Variants in SBF2 observed in about 807,000 individuals in gnomAD.
The protein encoded by SBF2 is SET binding factor 2, also known as myotubularin-related protein 13.
Under a neutral mutation model 225.2 loss-of-function variants are expected in SBF2, and 112 were observed. The observed-to-expected ratio is 0.50, with a 90% confidence interval of 0.43 to 0.58. The LOEUF (loss-of-function observed/expected upper bound fraction) is 0.58, where lower values mean the gene tolerates loss of function less well. Among genes scored for constraint, SBF2 ranks in the 20% least tolerant of loss-of-function variants. The probability of loss-of-function intolerance (pLI) is 0.00; values close to 1 mark genes in which losing one functional copy is unlikely to be tolerated. For missense variants in SBF2, 1,996 were observed against 2,206.2 expected, an observed-to-expected ratio of 0.90 and a Z score of 1.91; for synonymous variants, 763 against 773.3, an observed-to-expected ratio of 0.99 and a Z score of 0.22.
chr11:9,803,571 T>G (rs1250546461), intron 32 of SBF2, among the ~76,000 whole-genome samples: 1 of 152,198 alleles, frequency 6.6e-6, no homozygotes. Flanking sequence ...TTGAGGACAG[T>G]GTATCTTACA....
chr11:9,942,951 G>A (rs1034835474), intron 16 of SBF2, among the ~76,000 whole-genome samples: 6 of 148,294 alleles, frequency 4.0e-5, no homozygotes, highest in Non-Finnish European at 7.4e-5. Flanking sequence ...AGGAAGGAAC[G>A]AAGGAAGGAA....
chr11:9,940,706 A>T (rs536824961), intron 16 of SBF2, among the ~76,000 whole-genome samples: 1 of 152,350 alleles, frequency 6.6e-6, no homozygotes, highest in African/African-American at 2.4e-5. Context: ...GCACCAAGAA[A>T]ATATTGCTGA....
chr11:10,021,802 T>C (rs1452440415), intron 6 of SBF2, among the ~76,000 whole-genome samples: 1 of 152,158 alleles, frequency 6.6e-6, no homozygotes, highest in Admixed American at 6.5e-5. Context: ...AATATTGGCC[T>C]TTGACAAAGT....
At chr11:10,199,481 T>C (rs1286246871) in intron 1 of SBF2, among the ~76,000 whole-genome samples, 1 of 151,414 alleles carries the variant, frequency 6.6e-6, no homozygotes, top group African/African-American at 2.4e-5. Context: ...TTGTTCAACA[T>C]TGGGTTGCCA....
intron 6 of SBF2, among the ~76,000 whole-genome samples, chr11:10,011,160 T>G (rs1278325910): frequency 6.6e-6 from 1 of 152,224 alleles, no homozygotes; most frequent in African/African-American, 2.4e-5. Flanking sequence ...GTGTTGTTTG[T>G]TCGTGTGAAA....
chr11:10,032,836 G>T (rs1249221574), intron 3 of SBF2, among the ~76,000 whole-genome samples: 1 of 152,208 alleles, frequency 6.6e-6, no homozygotes, highest in Admixed American at 6.5e-5. Context: ...ATACATGCAT[G>T]AATACATTTT....
intron 2 of SBF2, among the ~76,000 whole-genome samples, chr11:10,102,213 T>C (rs1952338020): frequency 6.6e-6 from 1 of 152,342 alleles, no homozygotes; most frequent in Non-Finnish European, 1.5e-5. Context: ...GTTTACCTAA[T>C]TTGGAGCATT....
intron 2 of SBF2, among the ~76,000 whole-genome samples, chr11:10,091,847 G>A (rs772036303): frequency 7.2e-5 from 11 of 152,088 alleles, no homozygotes; most frequent in African/African-American, 4.8e-5. Flanking sequence ...GACAACTGTC[G>A]GTTATGATGA....
chr11:10,094,041 T>A (rs942865545), intron 2 of SBF2, among the ~76,000 whole-genome samples: 1 of 152,194 alleles, frequency 6.6e-6, no homozygotes, highest in Non-Finnish European at 1.5e-5. Context: ...ATAAATATAT[T>A]AACTTTTGGC....
At chr11:10,218,138 G>A (rs1260798132) in intron 1 of SBF2, among the ~76,000 whole-genome samples, 1 of 152,098 alleles carries the variant, frequency 6.6e-6, no homozygotes, top group Non-Finnish European at 1.5e-5. Flanking sequence ...GACCTCAAAT[G>A]ATCCACCTGC....
intron 2 of SBF2, among the ~76,000 whole-genome samples, chr11:10,176,845 G>A (rs1956487772): frequency 1.3e-5 from 2 of 152,144 alleles, no homozygotes; most frequent in Non-Finnish European, 2.9e-5. Context: ...ATTTTATGAG[G>A]CCAGCATCAT....
chr11:9,907,636 T>C (rs1862217289), intron 16 of SBF2, among the ~76,000 whole-genome samples: 2 of 152,210 alleles, frequency 1.3e-5, no homozygotes, highest in Non-Finnish European at 2.9e-5. Context: ...CCCATTGCAA[T>C]AGAAGGTGAA....
intron 16 of SBF2, among the ~76,000 whole-genome samples, chr11:9,928,582 C>A (rs1864241397): frequency 6.6e-6 from 1 of 152,150 alleles, no homozygotes. Context: ...TAGGGTCCAG[C>A]CAATACACTC....
chr11:10,130,168 C>G (rs1192439427), intron 2 of SBF2, among the ~76,000 whole-genome samples: 2 of 152,116 alleles, frequency 1.3e-5, no homozygotes, highest in African/African-American at 4.8e-5. Flanking sequence ...TGAAACCATC[C>G]TGGCTAACAC....
intron 2 of SBF2, among the ~76,000 whole-genome samples, chr11:10,180,907 T>G (rs1205159727): frequency 6.6e-6 from 1 of 152,164 alleles, no homozygotes; most frequent in Non-Finnish European, 1.5e-5. Flanking sequence ...TCTAACTTTT[T>G]CATTAGAACA....
At position 10,180,724 on chromosome 11, in the gene SBF2, C is replaced by T. The variant is rs546617950; in HGVS notation, c.141+13178G>A. Among the ~76,000 whole-genome samples, 242 of 152,230 alleles carry T rather than the reference C, an allele frequency of 1.6e-3. 1 individual carries two copies. Among genetic ancestry groups the T allele is most frequent in the African/African-American group, 5.6e-3 (233 of 41,562 alleles). ...AACTCTTAGATTTGCCCCATTGGGG[C>T]TATTTTCTAGATCTTGTAGGTATGC... On this transcript the variant is annotated intron_variant, in intron 2 of 39. Coordinates refer to ENST00000256190, the MANE Select transcript of SBF2 (RefSeq NM_030962.4).
intron 29 of SBF2, among the ~76,000 whole-genome samples, chr11:9,816,105 A>G (rs1854442337): frequency 6.6e-6 from 1 of 152,226 alleles, no homozygotes; most frequent in Non-Finnish European, 1.5e-5. Context: ...TTCATGTCCT[A>G]TATACCTACT....
chr11:9,912,479 G>T (rs376301726), intron 16 of SBF2, among the ~76,000 whole-genome samples: 100 of 152,000 alleles, frequency 6.6e-4, no homozygotes, highest in African/African-American at 2.3e-3. Context: ...CAGCTACTTG[G>T]GAGGCTGAGG....
intron 1 of SBF2, among the ~76,000 whole-genome samples, chr11:10,291,376 C>A (rs1964147759): frequency 1.3e-5 from 2 of 152,168 alleles, no homozygotes; most frequent in Admixed American, 1.3e-4. Context: ...GACACTGAAT[C>A]TGTCAGAGTC....
Sources: gnomAD v4.1 joint callset for allele counts (sites outside exome capture counted in the v4.1 genomes callset) on GRCh38, gnomAD v4.1.1 for gene constraint, MANE v1.5 for transcripts, NCBI Gene and HGNC (gene_info 2026-07-23, HGNC 2026-07-21) for gene names.